Variants in TAFA2 observed in about 807,000 individuals in gnomAD.
The protein encoded by TAFA2 is TAFA chemokine like family member 2.
In TAFA2, 7 loss-of-function variants were observed where a neutral mutation model predicts 18.8. That is an observed-to-expected ratio of 0.37 (90% CI 0.21 to 0.70). TAFA2 has a LOEUF of 0.70. Among genes scored for constraint, TAFA2 ranks in the 30% least tolerant of loss-of-function variants. The probability of loss-of-function intolerance (pLI) is 0.53; values close to 1 mark genes in which losing one functional copy is unlikely to be tolerated. For missense variants in TAFA2, 122 were observed against 158.1 expected, an observed-to-expected ratio of 0.77 and a Z score of 1.23; for synonymous variants, 60 against 54.2, an observed-to-expected ratio of 1.11 and a Z score of -0.47.
chr12:61,921,449 G>A (rs1056327285), intron 1 of TAFA2, among the ~76,000 whole-genome samples: 3 of 152,108 alleles, frequency 2.0e-5, no homozygotes, highest in Non-Finnish European at 2.9e-5. Flanking sequence ...AAATTTTGGC[G>A]TTTGTGCAAT....
chr12:61,857,283 C>T (rs12319917), intron 2 of TAFA2, among the ~76,000 whole-genome samples: 3,444 of 152,076 alleles, frequency 0.023, 141 homozygotes, highest in African/African-American at 0.079. Flanking sequence ...TCAAAATTAA[C>T]TTTATCCATT....
intron 1 of TAFA2, among the ~76,000 whole-genome samples, chr12:62,092,424 G>T (rs1398937899): frequency 1.3e-5 from 2 of 151,790 alleles, no homozygotes; most frequent in African/African-American, 4.8e-5. Flanking sequence ...CTTTGCTCCT[G>T]CCAAAACCAT....
chr12:62,095,012 T>A (rs1868887117), intron 1 of TAFA2, among the ~76,000 whole-genome samples: 1 of 152,096 alleles, frequency 6.6e-6, no homozygotes, highest in African/African-American at 2.4e-5. Context: ...CTAAGAATAT[T>A]TGTAATTGTA....
chr12:62,015,652 T>C (rs1880913385), intron 1 of TAFA2, among the ~76,000 whole-genome samples: 1 of 152,134 alleles, frequency 6.6e-6, no homozygotes, highest in Non-Finnish European at 1.5e-5. Context: ...ATTTAAGAGG[T>C]TACTATATAG....
intron 2 of TAFA2, among the ~76,000 whole-genome samples, chr12:61,761,246 A>G (rs148819466): frequency 3.3e-5 from 5 of 152,190 alleles, no homozygotes; most frequent in African/African-American, 1.2e-4. Flanking sequence ...ATGTAGTGAA[A>G]GAAACTTATT....
At chr12:61,785,319 T>TTGTGTGTGTGTGTGTGTGTGTG (rs57166010) in intron 2 of TAFA2, among the ~76,000 whole-genome samples, 3 of 140,080 alleles carry the variant, frequency 2.1e-5, no homozygotes, top group Non-Finnish European at 4.7e-5. Flanking sequence ...AATAGTATTC[T>TTGTGTGTGTGTGTGTGTGTGTG]TGTGTGTGTG....
At chr12:62,138,493 A>G (rs997013381) in intron 1 of TAFA2, among the ~76,000 whole-genome samples, 3 of 152,204 alleles carry the variant, frequency 2.0e-5, no homozygotes, top group African/African-American at 7.2e-5. Flanking sequence ...CTATAGTTTT[A>G]GTTCCTGAAA....
chr12:62,054,553 T>G (rs1156702358), intron 1 of TAFA2, among the ~76,000 whole-genome samples: 1 of 152,212 alleles, frequency 6.6e-6, no homozygotes, highest in Non-Finnish European at 1.5e-5. Context: ...TATTTTAATG[T>G]GAATTACATT....
In TAFA2 at chr12:61,708,408, CAG is replaced by C. The variant is rs1334250951; in HGVS notation, c.*1996_*1997del. On this transcript the variant is annotated 3_prime_UTR_variant, in exon 5 of 5. Coordinates refer to ENST00000416284, the MANE Select transcript of TAFA2 (RefSeq NM_178539.5). ...GCATGTATTACACTTGTATATAATA[CAG>C]AGTTTCCAGTGTTGATTTAAAGAAC... 2.6e-5 allele frequency: 4 copies of C among 151,814 alleles called. No homozygotes were observed. The highest frequency in any genetic ancestry group is 5.9e-5 in the Non-Finnish European group (4 of 67,942). The allele number at this position is 151,814 out of a possible 1,614,324, so 9.4% of individuals were successfully genotyped here.
rs74771793 is a variant in TAFA2 at position 62,020,358 on chromosome 12, C to T, written c.-1-152932G>A. The stretch of plus-strand genomic sequence containing the variant: ...TTTCATTTCTACTGGGAAAAAATGG[C>T]GACCCTACACTTCCAAAGGAGGTAG... On this transcript the variant is annotated intron_variant, in intron 1 of 4. Coordinates refer to ENST00000416284, the MANE Select transcript of TAFA2 (RefSeq NM_178539.5). Among the ~76,000 whole-genome samples the T allele has an allele frequency of 3.4e-3, 513 of 152,194 alleles. 4 individuals are homozygous for T. The highest frequency in any genetic ancestry group is 0.012 in the African/African-American group (479 of 41,510).
chr12:62,064,201 C>G (rs1306762966), intron 1 of TAFA2, among the ~76,000 whole-genome samples: 1 of 152,014 alleles, frequency 6.6e-6, no homozygotes, highest in Non-Finnish European at 1.5e-5. Flanking sequence ...GCACTAAAAA[C>G]TTTACCCAAC....
At chr12:61,742,686 CTA>C (rs764820105) in intron 4 of TAFA2, among the ~76,000 whole-genome samples, 47 of 152,208 alleles carry the variant, frequency 3.1e-4, no homozygotes, top group Non-Finnish European at 6.0e-4. Context: ...ACCTCTAGAG[CTA>C]TATATCAAAT....
intron 2 of TAFA2, among the ~76,000 whole-genome samples, chr12:61,826,416 A>T: frequency 6.6e-6 from 1 of 151,944 alleles, no homozygotes; most frequent in East Asian, 1.9e-4. Flanking sequence ...AATAGCTGGC[A>T]AAGTGATTGC....
intron 1 of TAFA2, among the ~76,000 whole-genome samples, chr12:61,983,834 T>A (rs1416696980): frequency 6.6e-6 from 1 of 152,186 alleles, no homozygotes; most frequent in East Asian, 1.9e-4. Context: ...CCACTATGAC[T>A]TCAGGTTTAC....
At chr12:62,143,888 CA>C (rs890336708) in intron 1 of TAFA2, among the ~76,000 whole-genome samples, 38 of 146,430 alleles carry the variant, frequency 2.6e-4, no homozygotes, top group African/African-American at 8.0e-4. Flanking sequence ...ACAAAAAATA[CA>C]AAAAAAAAAT....
At chr12:62,041,088 C>T (rs1268234467) in intron 1 of TAFA2, among the ~76,000 whole-genome samples, 2 of 152,144 alleles carry the variant, frequency 1.3e-5, no homozygotes, top group Non-Finnish European at 2.9e-5. Context: ...TAGGCAGTAT[C>T]TATATTGTTC....
intron 1 of TAFA2, among the ~76,000 whole-genome samples, chr12:61,881,544 T>A (rs1236776195): frequency 6.6e-6 from 1 of 152,138 alleles, no homozygotes; most frequent in African/African-American, 2.4e-5. Flanking sequence ...CCTATGACTG[T>A]ACAGAAAAAA....
intron 1 of TAFA2, among the ~76,000 whole-genome samples, chr12:62,032,675 T>TAA (rs56738953): frequency 6.6e-6 from 1 of 151,798 alleles, no homozygotes; most frequent in South Asian, 2.1e-4. Flanking sequence ...ATGCATTAAT[T>TAA]AAAAAAAATC....
chr12:62,083,056 C>T (rs1868347993), intron 1 of TAFA2, among the ~76,000 whole-genome samples: 1 of 152,072 alleles, frequency 6.6e-6, no homozygotes, highest in Admixed American at 6.6e-5. Flanking sequence ...ATCTAAATCC[C>T]CAGTATCTCA....
Sources: gnomAD v4.1 joint callset for allele counts (sites outside exome capture counted in the v4.1 genomes callset) on GRCh38, gnomAD v4.1.1 for gene constraint, MANE v1.5 for transcripts, NCBI Gene and HGNC (gene_info 2026-07-23, HGNC 2026-07-21) for gene names.